PXDNL: variants seen among roughly 807,000 people sequenced by gnomAD.
PXDNL encodes peroxidasin like.
PXDNL carries 145 observed loss-of-function variants against 150.8 expected under a neutral mutation model. The observed-to-expected ratio is 0.96, with a 90% CI of 0.84 to 1.10. The LOEUF (loss-of-function observed/expected upper bound fraction) is 1.10. Among genes scored for constraint, PXDNL ranks in the 50% least tolerant of loss-of-function variants. The probability of loss-of-function intolerance (pLI) is 0.00; values close to 1 mark genes in which losing one functional copy is unlikely to be tolerated. For synonymous variants in PXDNL, 757 were observed against 725.7 expected (o/e 1.04, Z -0.69); for missense variants, 2,087 against 1,873.9 (o/e 1.11, Z -2.10).
At chr8:51,767,324 A>G (rs1585734948) in intron 1 of PXDNL, among the ~76,000 whole-genome samples, 1 of 151,878 alleles carries the variant, frequency 6.6e-6, no homozygotes, top group East Asian at 1.9e-4. Flanking sequence ...ACATAATATA[A>G]TAAGGCAACT....
At chr8:51,350,047 G>A (rs1264252271) in intron 19 of PXDNL, among the ~76,000 whole-genome samples, 3 of 152,140 alleles carry the variant, frequency 2.0e-5, no homozygotes, top group African/African-American at 7.2e-5. Flanking sequence ...ATATACCCTG[G>A]TTCTTTATCT....
intron 2 of PXDNL, among the ~76,000 whole-genome samples, chr8:51,608,013 G>GA (rs373885792): frequency 1.4e-5 from 1 of 73,246 alleles, no homozygotes; most frequent in Non-Finnish European, 2.6e-5. Context: ...AAGAAAGAAA[G>GA]AAAGAAAGAA....
chr8:51,483,940 A>AT (rs113557995), intron 5 of PXDNL, among the ~76,000 whole-genome samples: 1 of 152,076 alleles, frequency 6.6e-6, no homozygotes, highest in African/African-American at 2.4e-5. Context: ...TGTACTTTTG[A>AT]TTTTTTTAGT....
intron 1 of PXDNL, among the ~76,000 whole-genome samples, chr8:51,740,602 T>A (rs929145629): frequency 3.3e-5 from 5 of 152,228 alleles, no homozygotes; most frequent in Admixed American, 6.5e-5. Context: ...TTTTTTCATA[T>A]GTTTGTTGGC....
At chr8:51,584,491 C>A (rs1813280718) in intron 3 of PXDNL, among the ~76,000 whole-genome samples, 1 of 152,160 alleles carries the variant, frequency 6.6e-6, no homozygotes, top group Non-Finnish European at 1.5e-5. Flanking sequence ...TAAAACCTTA[C>A]AGGTTTGTTG....
chr8:51,461,315 T>C (rs1039830216), intron 8 of PXDNL, among the ~76,000 whole-genome samples: 1 of 152,200 alleles, frequency 6.6e-6, no homozygotes, highest in Non-Finnish European at 1.5e-5. Context: ...ACAGGGCTAG[T>C]ATGGGAAGGG....
At chr8:51,606,163 T>G (rs13263546) in intron 2 of PXDNL, among the ~76,000 whole-genome samples, 12,836 of 152,242 alleles carry the variant, frequency 0.084, 625 homozygotes, top group South Asian at 0.095. Flanking sequence ...CTCCTGTTGT[T>G]AAATTACTCA....
chr8:51,439,026 A>C lies in PXDNL; in HGVS notation c.1525+7978T>G, dbSNP rs566065439. Among the ~76,000 whole-genome samples, 5 of 152,344 alleles carry C rather than the reference A, an allele frequency of 3.3e-5. No homozygotes were observed. The South Asian group carries it at 8.3e-4, about 25-fold the overall frequency. ...AGACATTGGCTTGGGCAAGGACTTC[A>C]TGACCAAGAATCCAAAAGCAAATGC... On this transcript the variant is annotated intron_variant, in intron 12 of 22. Coordinates refer to ENST00000356297, the MANE Select transcript of PXDNL (RefSeq NM_144651.5).
intron 1 of PXDNL, among the ~76,000 whole-genome samples, chr8:51,808,018 T>C (rs375742455): frequency 6.6e-6 from 1 of 152,248 alleles, no homozygotes; most frequent in Non-Finnish European, 1.5e-5. Context: ...GATATCTGCA[T>C]GCATATAAAA....
rs533753054 is a variant in PXDNL, at chr8:51,368,116, C to T, written c.3901+3757G>A. ...CGCCATTGCACTCCAGGCTGGGTAA[C>T]GAGCAAAACTCCATCTCAAAACAAA... On this transcript the variant is annotated intron_variant, in intron 19 of 22. Coordinates refer to ENST00000356297, the MANE Select transcript of PXDNL (RefSeq NM_144651.5). Among the ~76,000 whole-genome samples, 50 of 152,158 alleles carry T rather than the reference C, an allele frequency of 3.3e-4. 1 individual carries two copies. The highest frequency in any genetic ancestry group is 1.9e-3 in the Admixed American group (29 of 15,290).
chr8:51,435,069 A>C lies in PXDNL; in HGVS notation c.1526-8311T>G, dbSNP rs180950249. On this transcript the variant is annotated intron_variant, in intron 12 of 22. Coordinates refer to ENST00000356297, the MANE Select transcript of PXDNL (RefSeq NM_144651.5). ...TGCGATGGCTCAGGCCTGTAGTCACAGCACTTTGGGAGGCCGAGGCGGGCA... is the reference window on the plus strand; with the variant it reads ...TGCGATGGCTCAGGCCTGTAGTCACCGCACTTTGGGAGGCCGAGGCGGGCA... 7.7e-4 allele frequency among the ~76,000 whole-genome samples: 118 copies of C among 152,332 alleles called. 3 individuals carry two copies. The highest frequency in any genetic ancestry group is 7.0e-3 in the Admixed American group (107 of 15,292).
chr8:51,356,500 A>T (rs1009413091), intron 19 of PXDNL, among the ~76,000 whole-genome samples: 9 of 151,308 alleles, frequency 5.9e-5, no homozygotes, highest in Non-Finnish European at 1.2e-4. Context: ...AAAAGAATAA[A>T]AAAAAAAAAA....
At chr8:51,365,325 G>A (rs1806880714) in intron 19 of PXDNL, among the ~76,000 whole-genome samples, 1 of 152,222 alleles carries the variant, frequency 6.6e-6, no homozygotes, top group African/African-American at 2.4e-5. Flanking sequence ...ACAGAGAAGT[G>A]TCTGTGTAGT....
At chr8:51,669,352 C>T (rs1815453473) in intron 1 of PXDNL, among the ~76,000 whole-genome samples, 1 of 152,148 alleles carries the variant, frequency 6.6e-6, no homozygotes, top group African/African-American at 2.4e-5. Context: ...CTGTTATGAC[C>T]TACTTTCAGA....
intron 1 of PXDNL, among the ~76,000 whole-genome samples, chr8:51,804,139 T>C (rs1480355465): frequency 6.6e-6 from 1 of 152,172 alleles, no homozygotes; most frequent in African/African-American, 2.4e-5. Flanking sequence ...AAGATGAATA[T>C]TGATTTGGTC....
chr8:51,664,603 A>G (rs1030974502), intron 1 of PXDNL, among the ~76,000 whole-genome samples: 3 of 152,114 alleles, frequency 2.0e-5, no homozygotes, highest in African/African-American at 7.2e-5. Context: ...ACTTGGCTGT[A>G]TTTTTATCTG....
At chr8:51,484,951 A>T (rs1221697047) in intron 5 of PXDNL, among the ~76,000 whole-genome samples, 1 of 152,254 alleles carries the variant, frequency 6.6e-6, no homozygotes, top group Non-Finnish European at 1.5e-5. Flanking sequence ...TAGAGAAAAG[A>T]TGGAGACCAG....
intron 1 of PXDNL, among the ~76,000 whole-genome samples, chr8:51,741,356 T>C (rs1229824963): frequency 5.3e-5 from 8 of 152,246 alleles, no homozygotes; most frequent in Non-Finnish European, 1.2e-4. Context: ...TAGGTGCTCC[T>C]ATATTGGGTG....
At chr8:51,435,115 G>A (rs565412678) in intron 12 of PXDNL, among the ~76,000 whole-genome samples, 20 of 151,960 alleles carry the variant, frequency 1.3e-4, no homozygotes, top group Non-Finnish European at 2.8e-4. Flanking sequence ...TCAGGAGATC[G>A]GAGACCATCC....
Sources: gnomAD v4.1 joint callset for allele counts (sites outside exome capture counted in the v4.1 genomes callset) on GRCh38, gnomAD v4.1.1 for gene constraint, MANE v1.5 for transcripts, NCBI Gene and HGNC (gene_info 2026-07-23, HGNC 2026-07-21) for gene names.